Variants in PSMD9 observed in about 807,000 individuals in gnomAD.
The protein encoded by PSMD9 is 26S proteasome non-ATPase regulatory subunit 9.
A neutral mutation model predicts 25.9 loss-of-function variants in PSMD9; 26 were observed. That is an observed-to-expected ratio of 1.00 (90% confidence interval 0.73 to 1.39). PSMD9 has a LOEUF of 1.39. PSMD9 is among the 40% of genes most tolerant of loss of function. PSMD9 has a pLI of 0.00. For missense variants in PSMD9, 303 were observed against 299.3 expected (o/e 1.01, Z -0.09); for synonymous variants, 110 against 114.5 (o/e 0.96, Z 0.25).
chr12:121,896,938 CAT>C (rs1408372401), intron 2 of PSMD9, among the ~76,000 whole-genome samples: 1 of 151,446 alleles, frequency 6.6e-6, no homozygotes, highest in African/African-American at 2.4e-5. Flanking sequence ...CATATATACA[CAT>C]ACATGTGTAT....
At chr12:121,897,647 G>A (rs1414054955) in intron 2 of PSMD9, 1 of 149,868 alleles carries the variant, frequency 6.7e-6, no homozygotes, top group Non-Finnish European at 1.5e-5. Flanking sequence ...TGATCCGCCC[G>A]CCTCGGCCTC....
At chr12:121,911,115 C>G in intron 4 of PSMD9, 2 of 406,162 alleles carry the variant, frequency 4.9e-6, no homozygotes, top group Admixed American at 2.6e-5. Context: ...TCTCCACTCA[C>G]TGCACCCTCC....
intron 4 of PSMD9, among the ~76,000 whole-genome samples, chr12:121,911,654 A>G (rs1008000271): frequency 1.4e-5 from 2 of 146,214 alleles, no homozygotes; most frequent in Non-Finnish European, 3.0e-5. Flanking sequence ...ACTTCAATAT[A>G]TGAACTTTTT....
rs1206616175 is a variant in PSMD9 at position 121,917,768 on chromosome 12, C to G, written c.*1457C>G. 6.6e-6 allele frequency: 1 copy of G among 152,220 alleles called. No homozygotes were observed. 9.4% of individuals were successfully genotyped at this position (152,220 alleles called of 1,614,324 possible). A position where few individuals can be genotyped will look rare whatever the true frequency, so the allele number is the denominator to read the frequency against. On this transcript the variant is annotated 3_prime_UTR_variant, in exon 6 of 6. Coordinates refer to ENST00000541212, the MANE Select transcript of PSMD9 (RefSeq NM_002813.7). The stretch of plus-strand genomic sequence containing the variant: ...GGTAGCCACAGACATGCTGTGTTTA[C>G]CAATGTTTGCTGTTTAAATTGCATG...
At chr12:121,899,969 T>C (rs746493681) in intron 3 of PSMD9, 124 bp downstream of exon 3, 111 of 1,114,474 alleles carry the variant, frequency 1.0e-4, no homozygotes, top group Non-Finnish European at 9.6e-5. Context: ...GTTACTCATT[T>C]AACAAACACT....
At chr12:121,902,909 T>C (rs1191844443) in intron 3 of PSMD9, 97 bp from the exon 4 acceptor site, 5 of 967,300 alleles carry the variant, frequency 5.2e-6, no homozygotes, top group Non-Finnish European at 8.2e-6. Context: ...GAAAACAAGC[T>C]CGTGACCTTG....
intron 3 of PSMD9, among the ~76,000 whole-genome samples, chr12:121,900,440 C>T (rs1879360163): frequency 6.6e-6 from 1 of 151,916 alleles, no homozygotes; most frequent in Non-Finnish European, 1.5e-5. Flanking sequence ...CCTGTAATCC[C>T]AGCATGTTGG....
chr12:121,907,350 G>T (rs1050240473), intron 4 of PSMD9, among the ~76,000 whole-genome samples: 7 of 151,656 alleles, frequency 4.6e-5, no homozygotes, highest in African/African-American at 1.7e-4. Context: ...GATTACAGGC[G>T]TGAGCCACTG....
chr12:121,904,011 A>C (rs1879477588), intron 4 of PSMD9, among the ~76,000 whole-genome samples: 2 of 152,100 alleles, frequency 1.3e-5, no homozygotes, highest in South Asian at 4.1e-4. Context: ...TTAACCCAAC[A>C]GTTGTGGATT....
chr12:121,902,875 T>A (rs1879440703), intron 3 of PSMD9, 131 bp from the exon 4 acceptor site: 1 of 707,010 alleles, frequency 1.4e-6, no homozygotes. Flanking sequence ...ATCCCTGACC[T>A]CTTTGTTCTG....
chr12:121,891,758 T>C (rs1410773262), intron 1 of PSMD9, among the ~76,000 whole-genome samples: 1 of 151,606 alleles, frequency 6.6e-6, no homozygotes, highest in Non-Finnish European at 1.5e-5. Flanking sequence ...ATACAAAAAT[T>C]AGCCAGGTGT....
rs1878964494 is a variant in PSMD9, at chr12:121,888,866, G to A, written c.10G>A (p.Glu4Lys). The A allele has an allele frequency of 3.7e-6, 6 of 1,603,946 alleles. No individual in the cohort carries two copies. The highest frequency in any genetic ancestry group is 5.1e-6 in the Non-Finnish European group (6 of 1,176,144). The change falls in exon 1 of 6, where the codon GAG (glutamate) becomes AAG (lysine). Residue 4 changes from glutamate (E) to lysine (K), a missense_variant. Coordinates refer to ENST00000541212, the MANE Select transcript of PSMD9 (RefSeq NM_002813.7). MSDEEARQSGGSSQ... is the reference protein window; with the variant it reads MSDKEARQSGGSSQ... ...CGGCCCGGGGTTCACGATGTCCGAC[G>A]AGGAAGCGAGGCAGAGCGGAGGCTC...
At chr12:121,891,102 A>G (rs1879059989) in intron 1 of PSMD9, among the ~76,000 whole-genome samples, 1 of 137,202 alleles carries the variant, frequency 7.3e-6, no homozygotes, top group Middle Eastern at 3.4e-3. Context: ...CTGGGATTAC[A>G]GGCTTGAGCC....
intron 5 of PSMD9, 46 bp downstream of exon 5, chr12:121,915,990 T>A (rs1426039300): frequency 6.4e-7 from 1 of 1,571,962 alleles, no homozygotes; most frequent in South Asian, 1.1e-5. Flanking sequence ...ATCATTTGAG[T>A]GTTTGTTAAA....
intron 3 of PSMD9, chr12:121,902,109 A>G (rs1381596949): frequency 6.6e-6 from 1 of 152,244 alleles, no homozygotes; most frequent in Admixed American, 6.5e-5. Flanking sequence ...TGTTGCTGCG[A>G]ACATTCTTGT....
chr12:121,904,919 C>T (rs1879509940), intron 4 of PSMD9, among the ~76,000 whole-genome samples: 1 of 151,630 alleles, frequency 6.6e-6, no homozygotes, highest in Non-Finnish European at 1.5e-5. Flanking sequence ...ATGTGAGCCA[C>T]TGCGCCTGGT....
chr12:121,898,191 C>G (rs1879288851), intron 2 of PSMD9: 1 of 152,184 alleles, frequency 6.6e-6, no homozygotes, highest in Non-Finnish European at 1.5e-5. Flanking sequence ...GAGGGTCTTG[C>G]CTTTGCTCCA....
chr12:121,901,666 C>CTTCTTTTTTTTTTTTTTTT (rs1879401097), intron 3 of PSMD9, among the ~76,000 whole-genome samples: 2 of 93,610 alleles, frequency 2.1e-5, no homozygotes, highest in African/African-American at 1.2e-4. Context: ...TTCATTCCTT[C>CTTCTTTTTTTTTTTTTTTT]TTTTTTTTTT....
intron 1 of PSMD9, among the ~76,000 whole-genome samples, chr12:121,891,029 C>G (rs1180402893): frequency 7.3e-6 from 1 of 136,616 alleles, no homozygotes; most frequent in African/African-American, 2.7e-5. Context: ...GGTGGATCAC[C>G]TGAGGCCAGG....
Sources: allele counts gnomAD v4.1 joint callset (sites outside exome capture counted in the v4.1 genomes callset), GRCh38; gene constraint gnomAD v4.1.1; transcripts MANE v1.5; gene names NCBI Gene and HGNC (gene_info 2026-07-23, HGNC 2026-07-21).